The following ABCA13 variants were observed in gnomAD, a reference collection of about 807,000 sequenced individuals.
ABCA13 encodes the protein ATP binding cassette subfamily A member 13.
A neutral mutation model predicts 478.7 loss-of-function variants in ABCA13; 476 were observed. The ratio of observed to expected loss-of-function variants is 0.99; its 90% CI spans 0.92 to 1.07. ABCA13 has a LOEUF of 1.07. Ranked by LOEUF, ABCA13 falls within the 50% of genes least tolerant of loss-of-function variation. The probability of loss-of-function intolerance (pLI) is 0.00; values close to 1 mark genes in which losing one functional copy is unlikely to be tolerated. For synonymous variants in ABCA13, 2,252 were observed against 2,158.9 expected, an observed-to-expected ratio of 1.04 and a Z score of -1.20; for missense variants, 6,060 against 5,910.6, an observed-to-expected ratio of 1.03 and a Z score of -0.83.
At chr7:48,431,239 G>A (rs1180629340) in intron 42 of ABCA13, among the ~76,000 whole-genome samples, 2 of 151,884 alleles carry the variant, frequency 1.3e-5, no homozygotes, top group African/African-American at 4.8e-5. Flanking sequence ...CACCATGTTG[G>A]CCAGGCTGGT....
chr7:48,205,574 G>A (rs1001220045), intron 3 of ABCA13, among the ~76,000 whole-genome samples: 9 of 152,138 alleles, frequency 5.9e-5, no homozygotes, highest in African/African-American at 1.9e-4. Context: ...GGAAGTCTTT[G>A]TTCTTCCATG....
chr7:48,463,306 C>G (rs1161467224), intron 43 of ABCA13, among the ~76,000 whole-genome samples: 2 of 152,218 alleles, frequency 1.3e-5, no homozygotes, highest in African/African-American at 4.8e-5. Flanking sequence ...AATCAAAGCA[C>G]ATTCTGCCTC....
intron 44 of ABCA13, among the ~76,000 whole-genome samples, chr7:48,469,674 C>CT: frequency 6.6e-6 from 1 of 152,156 alleles, no homozygotes; most frequent in East Asian, 1.9e-4. Flanking sequence ...CACCTTAGCA[C>CT]TTTGGGGAGG....
rs1584392947 is a variant in ABCA13, at chr7:48,241,435, T to C, written c.1262+369T>C. Among the ~76,000 whole-genome samples the C allele has an allele frequency of 2.0e-5, 3 of 152,336 alleles. No individual in the cohort carries two copies. In the East Asian group the frequency reaches 5.8e-4, roughly 29 times the overall value. On this transcript the variant is annotated intron_variant, in intron 10 of 61. Coordinates refer to ENST00000435803, the MANE Select transcript of ABCA13 (RefSeq NM_152701.5). ...AGTAGCTCTTTTCCTAGAATCTTCCTCTTCAAAAAATATGTTTTTATATTT... is the reference window on the plus strand; with the variant it reads ...AGTAGCTCTTTTCCTAGAATCTTCCCCTTCAAAAAATATGTTTTTATATTT...
At chr7:48,341,850 CTTTCTGATATATATATATA>C (rs1397032007) in intron 29 of ABCA13, among the ~76,000 whole-genome samples, 12 of 133,960 alleles carry the variant, frequency 9.0e-5, no homozygotes, top group Non-Finnish European at 1.7e-4. Flanking sequence ...ATATATATAT[CTTTCTGATATATATATATA>C]TATCTTTCTG....
chr7:48,487,662 C>T (rs1240163953), intron 47 of ABCA13, among the ~76,000 whole-genome samples: 1 of 152,148 alleles, frequency 6.6e-6, no homozygotes, highest in East Asian at 1.9e-4. Context: ...ACAGACCAGG[C>T]TAGTGGGAGG....
intron 25 of ABCA13, among the ~76,000 whole-genome samples, chr7:48,313,620 A>G (rs1046735309): frequency 1.3e-5 from 2 of 152,272 alleles, no homozygotes; most frequent in African/African-American, 2.4e-5. Context: ...TTGGCTTACA[A>G]GTTACAGATC....
In ABCA13 at chr7:48,275,662, C is replaced by A. The variant is rs200933092; in HGVS notation, c.5996C>A (p.Ser1999Tyr). The A allele has an allele frequency of 1.3e-6, 2 of 1,599,388 alleles. No individual in the cohort carries two copies. Among genetic ancestry groups the A allele is most frequent in the Non-Finnish European group, 1.7e-6 (2 of 1,172,062 alleles). Residue 1999 changes from serine (S) to tyrosine (Y), a missense_variant, in exon 17 of 62, where the codon TCC becomes TAC. Ser to Tyr is a moderately radical substitution (Grantham distance 144, BLOSUM62 -2). This residue lies in a region of ABCA13 where 4,423 missense variants were observed against 4,309.1 expected (regional missense o/e 1.03). Transcript: ENST00000435803. Reference protein sequence around the residue: ...DTETSVQNIISSNLERTVQLI... With the variant: ...DTETSVQNIIYSNLERTVQLI... ...GAGACATCTGTTCAAAATATTATTTCCTCAAATTTGGAAAGGACAGTACAA... is the reference window on the plus strand; with the variant it reads ...GAGACATCTGTTCAAAATATTATTTACTCAAATTTGGAAAGGACAGTACAA...
chr7:48,329,434 C>G (rs1334489990), intron 27 of ABCA13, among the ~76,000 whole-genome samples: 1 of 152,112 alleles, frequency 6.6e-6, no homozygotes, highest in Non-Finnish European at 1.5e-5. Flanking sequence ...TGTTAGCATC[C>G]TAGGGGGCTG....
At chr7:48,501,761 T>G (rs1476493731) in intron 48 of ABCA13, among the ~76,000 whole-genome samples, 1 of 152,222 alleles carries the variant, frequency 6.6e-6, no homozygotes, top group African/African-American at 2.4e-5. Context: ...GCTGCTCTCT[T>G]CTGCTGTCAT....
chr7:48,178,664 ACT>A lies in ABCA13; in HGVS notation c.69+7115_69+7116del, dbSNP rs532195816. 8.6e-5 allele frequency among the ~76,000 whole-genome samples: 13 copies of A among 151,806 alleles called. No individual in the cohort carries two copies. The South Asian group carries it at 2.7e-3, about 32-fold the overall frequency. On this transcript the variant is annotated intron_variant, in intron 1 of 61. Transcript: ENST00000435803. ...CACTCCAGCCTGGGTGAAGAGCGAG[ACT>A]CTATCTCAAAAAAATAAAAAAAAGT...
chr7:48,358,733 A>G (rs923721997), intron 31 of ABCA13, among the ~76,000 whole-genome samples: 6 of 152,020 alleles, frequency 3.9e-5, no homozygotes, highest in African/African-American at 1.5e-4. Flanking sequence ...AAGGGGCGAA[A>G]AGGGAGATAC....
rs138202043 is a variant in ABCA13, at chr7:48,594,752, C to T, written c.14683C>T (p.Leu4895=). The change falls in exon 58 of 62, where the codon CTG becomes TTG. Residue 4895 remains leucine (L), a synonymous_variant. Transcript: ENST00000435803. ...SGMDPCSKRY[L]WQTIMKEVRE... is the part of the protein sequence containing the mutation. ...GATGGATCCCTGCTCTAAGCGGTAC[C>T]TGTGGCAAACAATAATGAAGGAGGT... is the stretch of plus-strand genomic sequence containing the variant. 4.8e-5 allele frequency: 78 copies of T among 1,613,948 alleles called. No homozygotes were observed. In the East Asian group the frequency reaches 1.7e-3, roughly 35 times the overall value.
chr7:48,476,428 G>C (rs1828093181), intron 45 of ABCA13, among the ~76,000 whole-genome samples: 1 of 152,124 alleles, frequency 6.6e-6, no homozygotes, highest in Admixed American at 6.5e-5. Flanking sequence ...CCAGCAAGGG[G>C]AAGAGCAGAA....
rs534868043 is a variant in ABCA13 at position 48,219,249 on chromosome 7, G to A, written c.288-105G>A. 42 of 1,236,626 alleles carry A rather than the reference G, an allele frequency of 3.4e-5. No individual in the cohort carries two copies. In the South Asian group the frequency reaches 4.2e-4, roughly 12 times the overall value. 76.6% of individuals were successfully genotyped at this position (1,236,626 alleles called of 1,614,324 possible). On this transcript the variant is annotated intron_variant, in intron 3 of 61. Coordinates refer to ENST00000435803, the MANE Select transcript of ABCA13 (RefSeq NM_152701.5). ...GGGTAGATGATGAGAGTGTAAGTTG[G>A]TACAAGTTTAATTGAAAGCAATTTG...
rs62447267 is a variant in ABCA13, at chr7:48,410,500, C to T, written c.12071-20C>T. 0.2 allele frequency: 328,822 copies of T among 1,613,234 alleles called. 36,068 individuals are homozygous for T. The highest frequency in any genetic ancestry group is 0.25 in the East Asian group (11,417 of 44,840). On this transcript the variant is annotated intron_variant, in intron 39 of 61. Coordinates refer to ENST00000435803, the MANE Select transcript of ABCA13 (RefSeq NM_152701.5). Reference sequence around the variant, plus strand: ...GGCCTTTGTCCTCCTGGTGCTGATGCACCCTGTGCTTGGACCCAGGTCGTA... The same window carrying T: ...GGCCTTTGTCCTCCTGGTGCTGATGTACCCTGTGCTTGGACCCAGGTCGTA...
At chr7:48,324,619 G>A (rs1056315264) in intron 27 of ABCA13, among the ~76,000 whole-genome samples, 4 of 152,168 alleles carry the variant, frequency 2.6e-5, no homozygotes, top group African/African-American at 9.7e-5. Context: ...GTAGCCCAGG[G>A]AGGCTAGTTT....
chr7:48,410,977 C>CTCTTTCTTTCTTTCTTTCTT (rs551665857), intron 40 of ABCA13, among the ~76,000 whole-genome samples: 17 of 104,640 alleles, frequency 1.6e-4, no homozygotes, highest in Admixed American at 3.0e-4. Flanking sequence ...AAATTCTTTT[C>CTCTTTCTTTCTTTCTTTCTT]TCTTTCTTTC....
intron 38 of ABCA13, among the ~76,000 whole-genome samples, chr7:48,400,656 G>T (rs1186204924): frequency 6.6e-6 from 1 of 152,188 alleles, no homozygotes; most frequent in African/African-American, 2.4e-5. Context: ...TCCACTCTAA[G>T]CATATGAACA....
Sources: allele counts gnomAD v4.1 joint callset (sites outside exome capture counted in the v4.1 genomes callset), GRCh38; gene constraint gnomAD v4.1.1; regional missense constraint gnomAD v4.1.1; transcripts MANE v1.5; gene names NCBI Gene and HGNC (gene_info 2026-07-23, HGNC 2026-07-21).